Variants in C1QTNF3 observed in about 807,000 individuals in gnomAD.
C1QTNF3 encodes complement C1q tumor necrosis factor-related protein 3.
Under a neutral mutation model 32.6 loss-of-function variants are expected in C1QTNF3, and 26 were observed. The ratio of observed to expected loss-of-function variants is 0.80; its 90% CI spans 0.58 to 1.11. The LOEUF (loss-of-function observed/expected upper bound fraction) is 1.11, where lower values mean the gene tolerates loss of function less well. Among genes scored for constraint, C1QTNF3 ranks in the 50% least tolerant of loss-of-function variants. The pLI is 0.00. For missense variants in C1QTNF3, 362 were observed against 398.2 expected (o/e 0.91, Z 0.77); for synonymous variants, 155 against 146.0 (o/e 1.06, Z -0.44).
At chr5:34,227,322 T>C in the C1QTNF3 span, among the ~76,000 whole-genome samples, 1 of 151,712 alleles carries the variant, frequency 6.6e-6, no homozygotes, top group East Asian at 1.9e-4. Flanking sequence ...TACTTTTGTA[T>C]ATTTTTGTTT....
the C1QTNF3 span, among the ~76,000 whole-genome samples, chr5:34,171,007 C>A: frequency 6.6e-6 from 1 of 151,940 alleles, no homozygotes; most frequent in Non-Finnish European, 1.5e-5. Context: ...GGTTAAAATG[C>A]CAGCTCTTCA....
At chr5:34,222,799 T>A in the C1QTNF3 span, among the ~76,000 whole-genome samples, 1 of 152,002 alleles carries the variant, frequency 6.6e-6, no homozygotes, top group African/African-American at 2.4e-5. Context: ...TAGCAGAATA[T>A]GAGAATGAAT....
the C1QTNF3 span, among the ~76,000 whole-genome samples, chr5:34,243,207 C>A: frequency 6.6e-6 from 1 of 152,212 alleles, no homozygotes; most frequent in Non-Finnish European, 1.5e-5. Context: ...TATGAAAAAA[C>A]ACTCATCCTC....
the C1QTNF3 span, among the ~76,000 whole-genome samples, chr5:34,178,163 C>A: frequency 9.5e-5 from 14 of 147,662 alleles, no homozygotes; most frequent in African/African-American, 3.5e-4. Context: ...TGCCTGTAAT[C>A]CAAGCTACTT....
At chr5:34,087,444 G>T in the C1QTNF3 span, among the ~76,000 whole-genome samples, 1 of 152,030 alleles carries the variant, frequency 6.6e-6, no homozygotes, top group African/African-American at 2.4e-5. Context: ...ATCTAAGATT[G>T]TATGCTCACT....
the C1QTNF3 span, among the ~76,000 whole-genome samples, chr5:34,145,283 A>C: frequency 6.6e-6 from 1 of 152,282 alleles, no homozygotes; most frequent in East Asian, 1.9e-4. Flanking sequence ...CAACAGCACA[A>C]GAAGAAAATC....
the C1QTNF3 span, among the ~76,000 whole-genome samples, chr5:34,177,949 T>C: frequency 6.6e-6 from 1 of 151,974 alleles, no homozygotes; most frequent in Non-Finnish European, 1.5e-5. Flanking sequence ...AATGCTGACC[T>C]AGACCCTCTC....
At chr5:34,085,167 T>TG in the C1QTNF3 span, among the ~76,000 whole-genome samples, 1 of 140,974 alleles carries the variant, frequency 7.1e-6, no homozygotes, top group African/African-American at 2.6e-5. Flanking sequence ...ATTTTTTGTG[T>TG]TTTTTTTTTT....
chr5:34,200,888 T>C, the C1QTNF3 span: 1 of 151,998 alleles, frequency 6.6e-6, no homozygotes, highest in Non-Finnish European at 1.5e-5. Context: ...ATCTGAATTG[T>C]TTCTTCCTTG....
chr5:34,244,203 G>C, the C1QTNF3 span, among the ~76,000 whole-genome samples: 2 of 151,996 alleles, frequency 1.3e-5, no homozygotes, highest in African/African-American at 4.8e-5. Flanking sequence ...CCATATTATC[G>C]ATCAGGGACC....
the C1QTNF3 span, among the ~76,000 whole-genome samples, chr5:34,087,788 TG>T: frequency 6.6e-6 from 1 of 152,192 alleles, no homozygotes; most frequent in East Asian, 1.9e-4. Flanking sequence ...TTTCTCATTT[TG>T]CCCAAGTTGG....
upstream of C1QTNF3, chr5:34,043,383 CATAA>C (rs1754923556): frequency 4.1e-6 from 2 of 492,290 alleles, no homozygotes; most frequent in South Asian, 2.9e-5. Context: ...TGGCGAAATT[CATAA>C]ATGTCACACC....
At chr5:34,154,040 A>AAG in the C1QTNF3 span, among the ~76,000 whole-genome samples, 75,771 of 151,256 alleles carry the variant, frequency 0.5, 20,777 homozygotes, top group Non-Finnish European at 0.61. Flanking sequence ...AATAAAAAAA[A>AAG]AAAATGTCAT....
the C1QTNF3 span, among the ~76,000 whole-genome samples, chr5:34,056,741 G>C: frequency 6.6e-6 from 1 of 151,962 alleles, no homozygotes; most frequent in South Asian, 2.1e-4. Context: ...AAACTCCTGG[G>C]CTCAAGTGAT....
At chr5:34,207,507 T>C in the C1QTNF3 span, among the ~76,000 whole-genome samples, 2 of 152,190 alleles carry the variant, frequency 1.3e-5, no homozygotes, top group Non-Finnish European at 2.9e-5. Flanking sequence ...TTCTTTCTCA[T>C]ATCTTTATTA....
the C1QTNF3 span, among the ~76,000 whole-genome samples, chr5:34,107,153 T>C: frequency 3.0e-5 from 3 of 99,736 alleles, no homozygotes; most frequent in African/African-American, 4.4e-5. Context: ...ATGCTGAATA[T>C]ACTTGTAAAG....
In C1QTNF3 at chr5:34,024,102, T is replaced by A. The variant is rs983823841; in HGVS notation, c.701-94A>T. On this transcript the variant is annotated intron_variant, in intron 4 of 5. Coordinates refer to ENST00000382065, the MANE Select transcript of C1QTNF3 (RefSeq NM_181435.6). ...GAGATTTGCCAACTGCCTTCACATGTCTTTTATTGATATTCTTTGTAGTAT... is the reference window on the plus strand; with the variant it reads ...GAGATTTGCCAACTGCCTTCACATGACTTTTATTGATATTCTTTGTAGTAT... 9.2e-6 allele frequency: 8 copies of A among 866,580 alleles called. No individual in the cohort carries two copies. The African/African-American group carries it at 1.3e-4, about 14-fold the overall frequency. The allele number at this position is 866,580 out of a possible 1,614,324, so 53.7% of individuals were successfully genotyped here.
intron 5 of C1QTNF3, among the ~76,000 whole-genome samples, chr5:34,021,737 G>T (rs1353058956): frequency 6.6e-6 from 1 of 152,184 alleles, no homozygotes; most frequent in African/African-American, 2.4e-5. Flanking sequence ...ACACATGGAG[G>T]GGAACATCAC....
chr5:34,029,835 AGATT>A (rs1250809588), intron 3 of C1QTNF3, among the ~76,000 whole-genome samples: 1 of 152,244 alleles, frequency 6.6e-6, no homozygotes, highest in Non-Finnish European at 1.5e-5. Context: ...CATTTAGGAT[AGATT>A]GTCATTCATG....
Sources: allele counts gnomAD v4.1 joint callset (sites outside exome capture counted in the v4.1 genomes callset), GRCh38; gene constraint gnomAD v4.1.1; transcripts MANE v1.5; gene names NCBI Gene and HGNC (gene_info 2026-07-23, HGNC 2026-07-21).